The following POLR2L variants were observed in gnomAD, a reference collection of about 807,000 sequenced individuals.
POLR2L encodes RNA polymerase II, I and III subunit L.
POLR2L carries 7 observed loss-of-function variants against 6.8 expected under a neutral mutation model. That is an observed-to-expected ratio of 1.03 (90% confidence interval 0.59 to 1.94). The LOEUF (loss-of-function observed/expected upper bound fraction) is 1.94, where lower values mean the gene tolerates loss of function less well. Among genes scored for constraint, POLR2L ranks in the 30% most tolerant of loss-of-function variants. The probability of loss-of-function intolerance (pLI) is 0.00; values close to 1 mark genes in which losing one functional copy is unlikely to be tolerated. For missense variants in POLR2L, 93 were observed against 86.7 expected (o/e 1.07, Z -0.29); for synonymous variants, 59 against 39.8 (o/e 1.48, Z -1.82).
chr11:841,048 C>T (rs1486606406), intron 1 of POLR2L, among the ~76,000 whole-genome samples: 1 of 152,226 alleles, frequency 6.6e-6, no homozygotes, highest in Non-Finnish European at 1.5e-5. Flanking sequence ...TCCAGTCACC[C>T]TCAAGACCTC....
At chr11:841,445 T>C (rs770057689) in intron 1 of POLR2L, among the ~76,000 whole-genome samples, 1 of 152,158 alleles carries the variant, frequency 6.6e-6, no homozygotes, top group Non-Finnish European at 1.5e-5. Context: ...TGTGTGTGTG[T>C]GTGCGTGAGA....
chr11:840,248 T>A lies in POLR2L; in HGVS notation c.*124A>T. The A allele has an allele frequency of 1.5e-6, 1 of 660,274 alleles. No individual in the cohort carries two copies. Among genetic ancestry groups the A allele is most frequent in the Non-Finnish European group, 2.7e-6 (1 of 370,040 alleles). The allele number at this position is 660,274 out of a possible 1,614,324, so 40.9% of individuals were successfully genotyped here. A position where few individuals can be genotyped will look rare whatever the true frequency, so the allele number is the denominator to read the frequency against. On this transcript the variant is annotated 3_prime_UTR_variant, in exon 2 of 2. Transcript: ENST00000322028. ...CTGGATGGTTCCTTCCAGAGTGGGG[T>A]ATCGGATACACACACACTGCGGCCA...
chr11:842,453 T>G lies in POLR2L; in HGVS notation c.56A>C (p.Glu19Ala), dbSNP rs1463474379. The G allele has an allele frequency of 1.9e-6, 3 of 1,595,738 alleles. No homozygotes were observed. In the Admixed American group the frequency reaches 5.1e-5, roughly 27 times the overall value. Reference sequence around the variant, plus strand: ...GGCCTGCAGCAGCCCCAGGTAAGCCTCCCACTTGTTGCCGACGATCTTGCC... The same window carrying G: ...GGCCTGCAGCAGCCCCAGGTAAGCCGCCCACTTGTTGCCGACGATCTTGCC... ...TCGKIVGNKW[E>A]AYLGLLQAEY... The change falls in exon 1 of 2, where the codon GAG becomes GCG. Residue 19 changes from glutamate to alanine, a missense_variant. Transcript: ENST00000322028.
In POLR2L at chr11:842,476, G is replaced by T; in HGVS notation, c.33C>A (p.Gly11=). 6.3e-7 allele frequency: 1 copy of T among 1,597,064 alleles called. No individual in the cohort carries two copies. MIIPVRCFTC[G]KIVGNKWEAY... The stretch of plus-strand genomic sequence containing the variant: ...CCTCCCACTTGTTGCCGACGATCTT[G>T]CCACAAGTGAAGCAGCGTACAGGGA... The change falls in exon 1 of 2, where the codon GGC becomes GGA. Residue 11 remains glycine (G), a synonymous_variant. Transcript: ENST00000322028.
chr11:841,962 G>A (rs1201451313), intron 1 of POLR2L, among the ~76,000 whole-genome samples: 1 of 152,214 alleles, frequency 6.6e-6, no homozygotes, highest in Non-Finnish European at 1.5e-5. Context: ...TGTCCAGGCT[G>A]GTCTCGACCT....
chr11:842,098 G>A (rs1390938640), intron 1 of POLR2L, among the ~76,000 whole-genome samples: 1 of 122,256 alleles, frequency 8.2e-6, no homozygotes, highest in Non-Finnish European at 1.7e-5. Context: ...GGCAGAGATG[G>A]GAATAGGGCG....
chr11:840,378 C>T lies in POLR2L; in HGVS notation c.198G>A (p.Glu66=), dbSNP rs1026278983. 6.2e-7 allele frequency: 1 copy of T among 1,603,282 alleles called. No homozygotes were observed. The highest frequency in any genetic ancestry group is 8.5e-7 in the Non-Finnish European group (1 of 1,172,470). The change falls in exon 2 of 2, where the codon GAG becomes GAA. Residue 66 remains glutamate (E), a synonymous_variant. Coordinates refer to ENST00000322028, the MANE Select transcript of POLR2L (RefSeq NM_021128.5). ...TGGGTGGGTTCCAGCGTGGTCACTT[C>T]TCCAGGGGTGCATAATTGAGCAGCT... The part of the protein sequence containing the change: ...IEKLLNYAPL[E]K
chr11:842,339 C>T (rs1380306383), intron 1 of POLR2L, 75 bp downstream of exon 1: 2 of 1,139,546 alleles, frequency 1.8e-6, no homozygotes, highest in African/African-American at 1.6e-5. Context: ...GCGCGCACCC[C>T]AGGGCGGACT....
chr11:842,292 G>A, intron 1 of POLR2L, 122 bp downstream of exon 1: 1 of 561,100 alleles, frequency 1.8e-6, no homozygotes, highest in African/African-American at 2.0e-5. Flanking sequence ...CTGCTCATGG[G>A]GCGCTGGCCT....
At chr11:841,417 AC>A (rs1344638547) in intron 1 of POLR2L, among the ~76,000 whole-genome samples, 1 of 152,014 alleles carries the variant, frequency 6.6e-6, no homozygotes, top group Non-Finnish European at 1.5e-5. Context: ...CAGCAAGTCT[AC>A]CCTGCATTTC....
Position 840,250 on chromosome 11 carries a change from T to G in POLR2L, c.*122A>C. The G allele has an allele frequency of 1.5e-6, 1 of 664,248 alleles. No homozygotes were observed. Among genetic ancestry groups the G allele is most frequent in the Non-Finnish European group, 2.7e-6 (1 of 372,256 alleles). The allele number at this position is 664,248 out of a possible 1,614,324, so 41.1% of individuals were successfully genotyped here. ...GGATGGTTCCTTCCAGAGTGGGGTA[T>G]CGGATACACACACACTGCGGCCAGG... On this transcript the variant is annotated 3_prime_UTR_variant, in exon 2 of 2. Coordinates refer to ENST00000322028, the MANE Select transcript of POLR2L (RefSeq NM_021128.5).
chr11:840,540 G>T, intron 1 of POLR2L, 60 bp from the exon 2 acceptor site: 1 of 1,224,838 alleles, frequency 8.2e-7, no homozygotes, highest in Non-Finnish European at 1.2e-6. Flanking sequence ...AAGGCCTGGA[G>T]CCCACATCCA....
chr11:841,442 G>T (rs1469086562), intron 1 of POLR2L, among the ~76,000 whole-genome samples: 1 of 152,148 alleles, frequency 6.6e-6, no homozygotes, highest in Non-Finnish European at 1.5e-5. Context: ...TTCTGTGTGT[G>T]TGTGTGCGTG....
intron 1 of POLR2L, 84 bp from the exon 2 acceptor site, chr11:840,564 T>G (rs1193479485): frequency 2.1e-6 from 2 of 937,190 alleles, no homozygotes; most frequent in South Asian, 1.3e-5. Flanking sequence ...TGCCTCTCAC[T>G]GCCTGCTGGC....
chr11:840,370 G>A lies in POLR2L; in HGVS notation c.*2C>T, dbSNP rs778431310. 9 of 1,583,050 alleles carry A rather than the reference G, an allele frequency of 5.7e-6. No homozygotes were observed. Among genetic ancestry groups the A allele is most frequent in the African/African-American group, 1.3e-5 (1 of 74,456 alleles). ...ACAGCGGGTGGGTGGGTTCCAGCGT[G>A]GTCACTTCTCCAGGGGTGCATAATT... On this transcript the variant is annotated 3_prime_UTR_variant, in exon 2 of 2. Coordinates refer to ENST00000322028, the MANE Select transcript of POLR2L (RefSeq NM_021128.5).
intron 1 of POLR2L, among the ~76,000 whole-genome samples, chr11:841,682 T>C (rs531816426): frequency 9.8e-5 from 15 of 152,286 alleles, no homozygotes; most frequent in African/African-American, 3.6e-4. Context: ...GTGGATCACC[T>C]GAGGTCAGGA....
At position 842,467 on chromosome 11, in the gene POLR2L, G is replaced by A. The variant is rs746915751; in HGVS notation, c.42C>T (p.Val14=). ...PVRCFTCGKI[V]GNKWEAYLGL... The stretch of plus-strand genomic sequence containing the variant: ...CCAGGTAAGCCTCCCACTTGTTGCC[G>A]ACGATCTTGCCACAAGTGAAGCAGC... The change falls in exon 1 of 2, where the codon GTC becomes GTT. Residue 14 remains valine, a synonymous_variant. Transcript: ENST00000322028. 6.3e-6 allele frequency: 10 copies of A among 1,596,940 alleles called. No individual in the cohort carries two copies. Among genetic ancestry groups the A allele is most frequent in the East Asian group, 2.3e-5 (1 of 42,866 alleles).
intron 1 of POLR2L, among the ~76,000 whole-genome samples, chr11:840,874 C>G (rs773638634): frequency 6.6e-6 from 1 of 152,208 alleles, no homozygotes; most frequent in Non-Finnish European, 1.5e-5. Flanking sequence ...GGGGCCTGCC[C>G]TTAGCTGGTT....
In POLR2L at chr11:841,061, GA is replaced by G. The variant is rs1846951992; in HGVS notation, c.96-582del. 2.6e-5 allele frequency among the ~76,000 whole-genome samples: 4 copies of G among 152,302 alleles called. No individual in the cohort carries two copies. In the South Asian group the frequency reaches 8.3e-4, roughly 32 times the overall value. On this transcript the variant is annotated intron_variant, in intron 1 of 1. Transcript: ENST00000322028. ...GCTCCAGTCACCCTCAAGACCTCCAGAAAACTCCCACACCGATGGCTCCAAT... is the reference window on the plus strand; with the variant it reads ...GCTCCAGTCACCCTCAAGACCTCCAGAAACTCCCACACCGATGGCTCCAAT...
Sources: gnomAD v4.1 joint callset for allele counts (sites outside exome capture counted in the v4.1 genomes callset) on GRCh38, gnomAD v4.1.1 for gene constraint, MANE v1.5 for transcripts, NCBI Gene and HGNC (gene_info 2026-07-23, HGNC 2026-07-21) for gene names.